SEC14L6: variants seen among roughly 807,000 people sequenced by gnomAD.
The protein encoded by SEC14L6 is SEC14 like lipid binding 6.
A neutral mutation model predicts 54.1 loss-of-function variants in SEC14L6; 40 were observed. The ratio of observed to expected loss-of-function variants is 0.74; its 90% CI spans 0.57 to 0.96. The LOEUF (loss-of-function observed/expected upper bound fraction) is 0.96, where lower values mean the gene tolerates loss of function less well. Among genes scored for constraint, SEC14L6 ranks in the 40% least tolerant of loss-of-function variants. The probability of loss-of-function intolerance (pLI) is 0.00; values close to 1 mark genes in which losing one functional copy is unlikely to be tolerated. For missense variants in SEC14L6, 471 were observed against 498.3 expected, an observed-to-expected ratio of 0.95 and a Z score of 0.52; for synonymous variants, 171 against 198.4, an observed-to-expected ratio of 0.86 and a Z score of 1.16.
At chr22:30,533,001 G>A in intron 3 of SEC14L6, 145 bp from the exon 4 acceptor site, 1 of 1,490,176 alleles carries the variant, frequency 6.7e-7, no homozygotes. Flanking sequence ...CATAGAACTG[G>A]GGGATGGAAA....
intron 8 of SEC14L6, among the ~76,000 whole-genome samples, chr22:30,526,477 G>A (rs1042387967): frequency 1.3e-5 from 2 of 152,220 alleles, no homozygotes; most frequent in Non-Finnish European, 2.9e-5. Flanking sequence ...GACGAAAGCA[G>A]AGGTGGACAC....
In SEC14L6 at chr22:30,532,690, G is replaced by A. The variant is rs552527404; in HGVS notation, c.258C>T (p.Asn86=). 5.1e-5 allele frequency: 79 copies of A among 1,558,040 alleles called. No homozygotes were observed. In the East Asian group the frequency reaches 6.8e-4, roughly 13 times the overall value. ...CCTCACCGTCGTGGCCGCATATGCC[G>A]TTAGCGTTGTACAGCCTGACCACCT... ...PPEVVRLYNA[N]GICGHDGEGS... Residue 86 remains asparagine (N), a synonymous_variant, in exon 5 of 12, where the codon AAC becomes AAT. Coordinates refer to ENST00000402034, the MANE Select transcript of SEC14L6 (RefSeq NM_001193336.4).
At chr22:30,539,694 C>T (rs897884886) in intron 1 of SEC14L6, among the ~76,000 whole-genome samples, 2 of 152,190 alleles carry the variant, frequency 1.3e-5, no homozygotes, top group Non-Finnish European at 2.9e-5. Flanking sequence ...TGTCTTTGAC[C>T]GTTCCCTCCC....
rs564003579 is a variant in SEC14L6, at chr22:30,530,488, G to C, written c.520-1139C>G. On this transcript the variant is annotated intron_variant, in intron 6 of 11. Coordinates refer to ENST00000402034, the MANE Select transcript of SEC14L6 (RefSeq NM_001193336.4). ...CGATCTCAACTCACTGCAACCTCGA[G>C]TTTCTGGGCTCAAACGATCATCCCA... 5.3e-5 allele frequency among the ~76,000 whole-genome samples: 8 copies of C among 152,298 alleles called. No individual in the cohort carries two copies. In the East Asian group the frequency reaches 1.5e-3, roughly 29 times the overall value.
At chr22:30,528,053 T>C (rs1007068975) in intron 8 of SEC14L6, among the ~76,000 whole-genome samples, 16 of 151,832 alleles carry the variant, frequency 1.1e-4, no homozygotes, top group African/African-American at 3.9e-4. Flanking sequence ...CCCCCTTCCT[T>C]ATACATTTCT....
intron 2 of SEC14L6, among the ~76,000 whole-genome samples, chr22:30,536,234 C>T (rs1454647724): frequency 6.6e-6 from 1 of 152,164 alleles, no homozygotes; most frequent in African/African-American, 2.4e-5. Flanking sequence ...AAAGGCTATT[C>T]ATCACAGATT....
chr22:30,530,947 G>A (rs1326924228), intron 6 of SEC14L6, among the ~76,000 whole-genome samples: 1 of 152,172 alleles, frequency 6.6e-6, no homozygotes, highest in East Asian at 1.9e-4. Flanking sequence ...ATGAGAGTGA[G>A]CAGAGCCAGA....
rs886427196 is a variant in SEC14L6, at chr22:30,531,957, G to A, written c.465C>T (p.Leu155=). The change falls in exon 6 of 12, where the codon CTC becomes CTT. Residue 155 remains leucine (L), a synonymous_variant. Coordinates refer to ENST00000402034, the MANE Select transcript of SEC14L6 (RefSeq NM_001193336.4). The part of the protein sequence containing the change: ...RVEKIIAIFG[L]EGLGLRDLWK... ...ACAGATCCCTCAGGCCCAGCCCTTC[G>A]AGACCAAAAATAGCTATGATTTTCT... The A allele has an allele frequency of 1.5e-5, 23 of 1,550,704 alleles. No individual in the cohort carries two copies. The highest frequency in any genetic ancestry group is 7.1e-5 in the South Asian group (6 of 84,062).
chr22:30,538,876 T>C lies in SEC14L6; in HGVS notation c.81A>G (p.Leu27=). The change falls in exon 2 of 12, where the codon CTA becomes CTG. Residue 27 remains leucine (L), a synonymous_variant. Coordinates refer to ENST00000402034, the MANE Select transcript of SEC14L6 (RefSeq NM_001193336.4). Reference sequence around the variant, plus strand: ...AGTCATCAGGATTGGGCAGCGCAGATAGCACATCTTGGATGTTCTCCCGGA... The same window carrying C: ...AGTCATCAGGATTGGGCAGCGCAGACAGCACATCTTGGATGTTCTCCCGGA... ...AQFRENIQDV[L]SALPNPDDYF... is the part of the protein sequence containing the mutation. 1 of 1,556,114 alleles carries C rather than the reference T, an allele frequency of 6.4e-7. No homozygotes were observed. Among genetic ancestry groups the C allele is most frequent in the Non-Finnish European group, 8.7e-7 (1 of 1,149,286 alleles).
In SEC14L6 at chr22:30,523,731, G is replaced by A. The variant is rs1936678431; in HGVS notation, c.*1266C>T. On this transcript the variant is annotated 3_prime_UTR_variant, in exon 12 of 12. Coordinates refer to ENST00000402034, the MANE Select transcript of SEC14L6 (RefSeq NM_001193336.4). Reference sequence around the variant, plus strand: ...AGATTCTCAGATGCTATAACAGTGGGAGGGAACGTGTATGTGGAAGACAGA... The same window carrying A: ...AGATTCTCAGATGCTATAACAGTGGAAGGGAACGTGTATGTGGAAGACAGA... 1 of 152,202 alleles carries A rather than the reference G, an allele frequency of 6.6e-6. No individual in the cohort carries two copies. Among genetic ancestry groups the A allele is most frequent in the African/African-American group, 2.4e-5 (1 of 41,438 alleles). The allele number at this position is 152,202 out of a possible 1,614,324, so 9.4% of individuals were successfully genotyped here. A position where few individuals can be genotyped will look rare whatever the true frequency, so the allele number is the denominator to read the frequency against.
rs1211244642 is a variant in SEC14L6 at position 30,523,349 on chromosome 22, G to C, written c.*1648C>G. 1 of 152,262 alleles carries C rather than the reference G, an allele frequency of 6.6e-6. No homozygotes were observed. Among genetic ancestry groups the C allele is most frequent in the East Asian group, 1.9e-4 (1 of 5,206 alleles). 9.4% of individuals were successfully genotyped at this position (152,262 alleles called of 1,614,324 possible). A position where few individuals can be genotyped will look rare whatever the true frequency, so the allele number is the denominator to read the frequency against. On this transcript the variant is annotated 3_prime_UTR_variant, in exon 12 of 12. Coordinates refer to ENST00000402034, the MANE Select transcript of SEC14L6 (RefSeq NM_001193336.4). The stretch of plus-strand genomic sequence containing the variant: ...CACCGACCTAGTGTCCCACTGTGAG[G>C]CTCAGTCTGAATTTTTTTTTTTTAA...
Position 30,529,142 on chromosome 22 carries a change from G to A in SEC14L6, c.609C>T (p.Asn203=). ...RAPKLFAVAF[N]LVKSYMSEET... The stretch of plus-strand genomic sequence containing the variant: ...CTTCACTCATGTAAGACTTGACCAG[G>A]TTGAAGGCTACGGCGAATAGCTTGG... The change falls in exon 8 of 12, where the codon AAC becomes AAT. Residue 203 remains asparagine, a synonymous_variant. Transcript: ENST00000402034. 1 of 1,551,224 alleles carries A rather than the reference G, an allele frequency of 6.4e-7. No individual in the cohort carries two copies. The highest frequency in any genetic ancestry group is 1.2e-5 in the South Asian group (1 of 84,034).
chr22:30,537,171 C>T (rs954550279), intron 2 of SEC14L6, among the ~76,000 whole-genome samples: 23 of 152,182 alleles, frequency 1.5e-4, no homozygotes, highest in African/African-American at 5.3e-4. Context: ...CTAGTATTCA[C>T]TCCCTGCTCT....
chr22:30,544,089 A>AC, intron 1 of SEC14L6: 1 of 1,475,302 alleles, frequency 6.8e-7, no homozygotes, highest in Admixed American at 1.7e-5. Flanking sequence ...AGTGAATGGG[A>AC]CCGTGGTTTG....
chr22:30,529,466 AGGCTTTGATGCAGAC>A, intron 6 of SEC14L6, 117 bp from the exon 7 acceptor site: 1 of 795,088 alleles, frequency 1.3e-6, no homozygotes, highest in Middle Eastern at 2.4e-4. Context: ...CAACCATCCA[AGGCTTTGATGCAGAC>A]GGCTCCCGAT....
intron 1 of SEC14L6, chr22:30,544,138 G>A: frequency 8.1e-7 from 1 of 1,231,610 alleles, no homozygotes; most frequent in Non-Finnish European, 1.2e-6. Flanking sequence ...TGTCCCACAA[G>A]GAGCCGCCAT....
rs375067311 is a variant in SEC14L6 at position 30,528,802 on chromosome 22, G to A, written c.664+285C>T. On this transcript the variant is annotated intron_variant, in intron 8 of 11. Coordinates refer to ENST00000402034, the MANE Select transcript of SEC14L6 (RefSeq NM_001193336.4). ...ACAGAGCAGCTGAGTGACTCACTCC[G>A]CTTGCAGCTAATAACTGGCAAGGCC... 7.2e-5 allele frequency among the ~76,000 whole-genome samples: 11 copies of A among 152,076 alleles called. No homozygotes were observed. In the East Asian group the frequency reaches 7.7e-4, roughly 11 times the overall value.
intron 8 of SEC14L6, 110 bp from the exon 9 acceptor site, chr22:30,526,042 C>T (rs530028436): frequency 2.2e-5 from 29 of 1,323,842 alleles, no homozygotes; most frequent in African/African-American, 1.9e-4. Flanking sequence ...CTCCCTGGCG[C>T]GCTTTTGCCA....
Position 30,524,286 on chromosome 22 carries a change from TTGGGAACTGTGAG to T in SEC14L6, c.*698_*710del, listed in dbSNP as rs1936695403. The T allele has an allele frequency of 6.6e-6, 1 of 152,268 alleles. No individual in the cohort carries two copies. The highest frequency in any genetic ancestry group is 1.5e-5 in the Non-Finnish European group (1 of 68,056). 9.4% of individuals were successfully genotyped at this position (152,268 alleles called of 1,614,324 possible). A position where few individuals can be genotyped will look rare whatever the true frequency, so the allele number is the denominator to read the frequency against. On this transcript the variant is annotated 3_prime_UTR_variant, in exon 12 of 12. Coordinates refer to ENST00000402034, the MANE Select transcript of SEC14L6 (RefSeq NM_001193336.4). ...CCCTATGGCACAGCGGCCCCTCCTC[TTGGGAACTGTGAG>T]TAATAAACTATCTTTTCAATGGTAA...
Sources: allele counts gnomAD v4.1 joint callset (sites outside exome capture counted in the v4.1 genomes callset), GRCh38; gene constraint gnomAD v4.1.1; transcripts MANE v1.5; gene names NCBI Gene and HGNC (gene_info 2026-07-23, HGNC 2026-07-21).